The following TMEM38B variants were observed in gnomAD, a reference collection of about 807,000 sequenced individuals.
TMEM38B encodes the protein trimeric intracellular cation channel type B.
TMEM38B carries 24 observed loss-of-function variants against 28.7 expected under a neutral mutation model. That is an observed-to-expected ratio of 0.84 (90% confidence interval 0.61 to 1.18). The LOEUF is 1.18. Ranked by LOEUF, TMEM38B falls within the 50% of genes most tolerant of loss-of-function variation. The pLI, the probability that TMEM38B is intolerant of heterozygous loss-of-function variation, is 0.00. For missense variants in TMEM38B, 380 were observed against 350.9 expected (o/e 1.08, Z -0.66); for synonymous variants, 131 against 127.7 (o/e 1.03, Z -0.17).
chr9:105,756,665 CTG>C (rs1428185997), intron 5 of TMEM38B, among the ~76,000 whole-genome samples: 1 of 152,072 alleles, frequency 6.6e-6, no homozygotes, highest in African/African-American at 2.4e-5. Flanking sequence ...ATGTAAAGTT[CTG>C]TATTTTAACA....
At position 105,759,889 on chromosome 9, in the gene TMEM38B, A is replaced by G. The variant is rs564412871; in HGVS notation, c.660+11699A>G. The G allele has an allele frequency of 2.6e-5, 42 of 1,592,494 alleles. 1 individual carries two copies. In the South Asian group the frequency reaches 4.0e-4, roughly 15 times the overall value. On this transcript the variant is annotated intron_variant, in intron 5 of 5. Coordinates refer to ENST00000374692, the MANE Select transcript of TMEM38B (RefSeq NM_018112.3). ...AAGTAGTACAAGAAGGAATAGTTGT[A>G]TCAACACACCAGTGGCTGAAATGAT...
chr9:105,769,143 A>C (rs1180534718), intron 5 of TMEM38B, among the ~76,000 whole-genome samples: 1 of 152,188 alleles, frequency 6.6e-6, no homozygotes, highest in Non-Finnish European at 1.5e-5. Flanking sequence ...AAGGACCAAA[A>C]CCTGATGGAA....
chr9:105,728,182 T>G (rs948854998), intron 4 of TMEM38B, among the ~76,000 whole-genome samples: 8 of 152,210 alleles, frequency 5.3e-5, no homozygotes, highest in Admixed American at 1.3e-4. Flanking sequence ...CGTGTTGGTT[T>G]GCTGTACCTA....
chr9:105,768,488 T>G (rs1050940820), intron 5 of TMEM38B, among the ~76,000 whole-genome samples: 1 of 152,160 alleles, frequency 6.6e-6, no homozygotes, highest in Non-Finnish European at 1.5e-5. Flanking sequence ...AGGTTTGATA[T>G]TATTTATTGG....
At chr9:105,706,049 G>C (rs767151345) in intron 2 of TMEM38B, among the ~76,000 whole-genome samples, 3 of 151,672 alleles carry the variant, frequency 2.0e-5, no homozygotes, top group Admixed American at 2.0e-4. Context: ...TACAGCACCC[G>C]CCCTCACGCA....
chr9:105,714,577 G>A (rs1001246139), intron 2 of TMEM38B, among the ~76,000 whole-genome samples: 5 of 152,146 alleles, frequency 3.3e-5, no homozygotes, highest in African/African-American at 1.2e-4. Flanking sequence ...ATTGTCTAAA[G>A]ATACCAGCTT....
rs552900296 is a variant in TMEM38B at position 105,714,753 on chromosome 9, T to G, written c.270-6784T>G. 5.9e-5 allele frequency among the ~76,000 whole-genome samples: 9 copies of G among 152,364 alleles called. No homozygotes were observed. In the East Asian group the frequency reaches 1.2e-3, roughly 20 times the overall value. On this transcript the variant is annotated intron_variant, in intron 2 of 5. Coordinates refer to ENST00000374692, the MANE Select transcript of TMEM38B (RefSeq NM_018112.3). ...GAATTAGTTTACTTTCTACCTGGTG[T>G]TGTAAGATTCATTGTGTGCTTTTCT...
chr9:105,697,705 T>G (rs765407072), intron 1 of TMEM38B, among the ~76,000 whole-genome samples: 1 of 152,184 alleles, frequency 6.6e-6, no homozygotes, highest in Non-Finnish European at 1.5e-5. Context: ...TCTTTAACTT[T>G]GTTTATATTG....
At chr9:105,697,451 TA>T (rs368351063) in intron 1 of TMEM38B, among the ~76,000 whole-genome samples, 3 of 152,242 alleles carry the variant, frequency 2.0e-5, no homozygotes, top group African/African-American at 4.8e-5. Context: ...TTGACAGTTC[TA>T]TTATTGGTCT....
intron 1 of TMEM38B, among the ~76,000 whole-genome samples, chr9:105,695,358 G>GT (rs1331107196): frequency 2.0e-5 from 3 of 152,230 alleles, no homozygotes; most frequent in South Asian, 2.1e-4. Flanking sequence ...TTCACGCAGT[G>GT]TCCTAACACC....
intron 2 of TMEM38B, among the ~76,000 whole-genome samples, chr9:105,708,540 C>A (rs1272426170): frequency 6.6e-6 from 1 of 152,140 alleles, no homozygotes; most frequent in African/African-American, 2.4e-5. Context: ...TTTACCATGG[C>A]CTGTAAAACC....
intron 4 of TMEM38B, among the ~76,000 whole-genome samples, chr9:105,738,758 G>A (rs1489078957): frequency 5.6e-5 from 7 of 124,836 alleles, no homozygotes; most frequent in Admixed American, 3.0e-4. Flanking sequence ...TCACTCCGTC[G>A]CCCAGGCTGA....
At chr9:105,711,534 C>T (rs1318974917) in intron 2 of TMEM38B, among the ~76,000 whole-genome samples, 2 of 151,622 alleles carry the variant, frequency 1.3e-5, no homozygotes, top group African/African-American at 4.8e-5. Context: ...ATCCTTGTAA[C>T]CACTACCCAA....
intron 4 of TMEM38B, among the ~76,000 whole-genome samples, chr9:105,730,956 T>G (rs1285948797): frequency 6.6e-6 from 1 of 152,168 alleles, no homozygotes; most frequent in Non-Finnish European, 1.5e-5. Flanking sequence ...TCTTCTCTCT[T>G]TTCTTCTTTA....
At chr9:105,738,627 C>G (rs1022944895) in intron 4 of TMEM38B, among the ~76,000 whole-genome samples, 1 of 149,300 alleles carries the variant, frequency 6.7e-6, no homozygotes, top group South Asian at 2.1e-4. Flanking sequence ...AATCCATTGA[C>G]AAATCTAAGG....
At chr9:105,767,875 A>G (rs1052480573) in intron 5 of TMEM38B, among the ~76,000 whole-genome samples, 3 of 152,086 alleles carry the variant, frequency 2.0e-5, no homozygotes, top group African/African-American at 7.2e-5. Context: ...GGTTTTGTCT[A>G]TGATAAAGAT....
At chr9:105,710,271 T>C in intron 2 of TMEM38B, 1 of 628,668 alleles carries the variant, frequency 1.6e-6, no homozygotes, top group Non-Finnish European at 2.9e-6. Flanking sequence ...CTGTACTGGA[T>C]ATTCCAGCTA....
chr9:105,731,659 G>A (rs1302156970), intron 4 of TMEM38B, among the ~76,000 whole-genome samples: 1 of 152,096 alleles, frequency 6.6e-6, no homozygotes, highest in African/African-American at 2.4e-5. Flanking sequence ...TGGCTGCATA[G>A]TATTCCATGG....
chr9:105,757,309 T>C (rs1460720552), intron 5 of TMEM38B, among the ~76,000 whole-genome samples: 1 of 152,242 alleles, frequency 6.6e-6, no homozygotes. Flanking sequence ...ATCTACTTGT[T>C]GGTTGATGGG....
Sources: allele counts gnomAD v4.1 joint callset (sites outside exome capture counted in the v4.1 genomes callset), GRCh38; gene constraint gnomAD v4.1.1; transcripts MANE v1.5; gene names NCBI Gene and HGNC (gene_info 2026-07-23, HGNC 2026-07-21).